Variants in ARHGEF33 observed in about 807,000 individuals in gnomAD.
ARHGEF33 encodes the protein Rho guanine nucleotide exchange factor 33.
In ARHGEF33, 72 loss-of-function variants were observed where a neutral mutation model predicts 101.9. That is an observed-to-expected ratio of 0.71 (90% CI 0.58 to 0.86). ARHGEF33 has a LOEUF of 0.86. Ranked by LOEUF, ARHGEF33 falls within the 40% of genes least tolerant of loss-of-function variation. ARHGEF33 has a pLI of 0.00. For synonymous variants in ARHGEF33, 499 were observed against 442.5 expected, an observed-to-expected ratio of 1.13 and a Z score of -1.60; for missense variants, 1,169 against 1,111.3, an observed-to-expected ratio of 1.05 and a Z score of -0.74.
chr2:38,921,145 G>A (rs1666747562), intron 3 of ARHGEF33, among the ~76,000 whole-genome samples: 1 of 152,138 alleles, frequency 6.6e-6, no homozygotes, highest in Non-Finnish European at 1.5e-5. Flanking sequence ...AGTAGAACGT[G>A]GTTTTCTATT....
intron 9 of ARHGEF33, among the ~76,000 whole-genome samples, chr2:38,939,443 A>G (rs983703797): frequency 1.3e-5 from 2 of 152,220 alleles, no homozygotes; most frequent in Admixed American, 6.5e-5. Flanking sequence ...TATTCCCACT[A>G]GCAATGTTTG....
chr2:38,930,443 G>T (rs1265493164), intron 6 of ARHGEF33, among the ~76,000 whole-genome samples: 1 of 151,564 alleles, frequency 6.6e-6, no homozygotes, highest in Non-Finnish European at 1.5e-5. Flanking sequence ...GAACTCCTGG[G>T]CTCAAATGAT....
chr2:38,912,326 C>G lies in ARHGEF33; in HGVS notation c.-85-7037C>G, dbSNP rs190604848. Among the ~76,000 whole-genome samples the G allele has an allele frequency of 2.4e-4, 37 of 152,322 alleles. 1 individual carries two copies. Among genetic ancestry groups the G allele is most frequent in the African/African-American group, 8.9e-4 (37 of 41,570 alleles). Reference sequence around the variant, plus strand: ...AAGGGCACAGTGAAGAATTACTAGGCTCAGAGTGAGAGATTCCCAGTACAA... The same window carrying G: ...AAGGGCACAGTGAAGAATTACTAGGGTCAGAGTGAGAGATTCCCAGTACAA... On this transcript the variant is annotated intron_variant, in intron 2 of 17. Transcript: ENST00000409978.
At chr2:38,925,992 C>G (rs1666860357) in intron 4 of ARHGEF33, among the ~76,000 whole-genome samples, 1 of 152,044 alleles carries the variant, frequency 6.6e-6, no homozygotes, top group Non-Finnish European at 1.5e-5. Context: ...TAAAATTCAT[C>G]TTAAGAAGAG....
chr2:38,906,407 C>G (rs1666392029), intron 2 of ARHGEF33, among the ~76,000 whole-genome samples: 2 of 151,992 alleles, frequency 1.3e-5, no homozygotes. Flanking sequence ...TTAGCAAAAC[C>G]AGCCCCAGCA....
chr2:38,967,236 C>T (rs996414455), intron 17 of ARHGEF33, among the ~76,000 whole-genome samples: 3 of 152,192 alleles, frequency 2.0e-5, no homozygotes, highest in Non-Finnish European at 2.9e-5. Context: ...TGTAATTATC[C>T]TCCTGTGGGG....
chr2:38,966,274 A>G, intron 17 of ARHGEF33, 129 bp downstream of exon 17: 1 of 1,205,010 alleles, frequency 8.3e-7, no homozygotes, highest in Non-Finnish European at 1.1e-6. Flanking sequence ...GCCTGCACCC[A>G]GTAGCCACAG....
chr2:38,901,880 C>G (rs542311483), intron 2 of ARHGEF33, among the ~76,000 whole-genome samples: 1 of 152,300 alleles, frequency 6.6e-6, no homozygotes, highest in African/African-American at 2.4e-5. Context: ...CTTTGGGAGG[C>G]TGAGACGGGT....
chr2:38,971,903 T>TC (rs769391289), intron 17 of ARHGEF33: 1 of 718,628 alleles, frequency 1.4e-6, no homozygotes, highest in South Asian at 1.5e-5. Flanking sequence ...ATTTCTGTGG[T>TC]CCTTGGGGCT....
At chr2:38,894,379 G>A (rs1666074688) in intron 1 of ARHGEF33, among the ~76,000 whole-genome samples, 1 of 151,014 alleles carries the variant, frequency 6.6e-6, no homozygotes, top group Admixed American at 6.6e-5. Context: ...TTCCTAGAAC[G>A]CCAGCATATC....
intron 17 of ARHGEF33, chr2:38,969,720 A>G (rs997914673): frequency 1.3e-5 from 2 of 152,604 alleles, no homozygotes; most frequent in African/African-American, 2.4e-5. Context: ...TAAAGGCTAC[A>G]TATCTTAAAG....
chr2:38,957,934 CTT>C (rs772344510), intron 14 of ARHGEF33, 98 bp from the exon 15 acceptor site: 20 of 1,413,770 alleles, frequency 1.4e-5, no homozygotes, highest in Non-Finnish European at 1.9e-5. Flanking sequence ...TCACAGCAAA[CTT>C]TATCTGAGAC....
chr2:38,934,152 A>G (rs562546647), intron 7 of ARHGEF33, among the ~76,000 whole-genome samples: 2 of 152,086 alleles, frequency 1.3e-5, no homozygotes, highest in Admixed American at 6.5e-5. Flanking sequence ...TTTCATCCTT[A>G]CCACTCCTGA....
chr2:38,953,391 A>G (rs1667661071), intron 12 of ARHGEF33, 146 bp downstream of exon 12: 5 of 605,988 alleles, frequency 8.3e-6, no homozygotes, highest in Admixed American at 5.2e-5. Flanking sequence ...ACTACCTGGC[A>G]TTAAAGGAAC....
intron 4 of ARHGEF33, among the ~76,000 whole-genome samples, chr2:38,922,111 A>C (rs1342626370): frequency 1.3e-5 from 2 of 152,150 alleles, no homozygotes; most frequent in Non-Finnish European, 2.9e-5. Context: ...CCAACTGTAA[A>C]TTTAAAGCAC....
At chr2:38,957,568 G>T (rs1358959876) in intron 14 of ARHGEF33, among the ~76,000 whole-genome samples, 1 of 152,180 alleles carries the variant, frequency 6.6e-6, no homozygotes, top group Non-Finnish European at 1.5e-5. Context: ...GCAAATAAGG[G>T]AGAGGAATTT....
chr2:38,894,058 CTT>C (rs1490718289), intron 1 of ARHGEF33, among the ~76,000 whole-genome samples: 3 of 152,174 alleles, frequency 2.0e-5, no homozygotes, highest in Non-Finnish European at 4.4e-5. Context: ...CTGGCTCACT[CTT>C]TTGATCCCAA....
Position 38,897,856 on chromosome 2 carries a change from A to T in ARHGEF33, c.-86+2007A>T, listed in dbSNP as rs146214187. Among the ~76,000 whole-genome samples, 546 of 152,284 alleles carry T rather than the reference A, an allele frequency of 3.6e-3. 1 individual carries two copies. Among genetic ancestry groups the T allele is most frequent in the Non-Finnish European group, 6.1e-3 (416 of 68,026 alleles). ...TTTGACAGCTAGCCTGGTGCAGGGG[A>T]AGGATGTCCACAGAGGGAACAGCCC... On this transcript the variant is annotated intron_variant, in intron 2 of 17. Coordinates refer to ENST00000409978, the MANE Select transcript of ARHGEF33 (RefSeq NM_001145451.5).
chr2:38,964,481 C>T (rs1296886446), intron 16 of ARHGEF33, among the ~76,000 whole-genome samples: 1 of 151,582 alleles, frequency 6.6e-6, no homozygotes, highest in East Asian at 1.9e-4. Flanking sequence ...TATTTGCAGC[C>T]ACTCCCCAGC....
Sources: allele counts gnomAD v4.1 joint callset (sites outside exome capture counted in the v4.1 genomes callset), GRCh38; gene constraint gnomAD v4.1.1; transcripts MANE v1.5; gene names NCBI Gene and HGNC (gene_info 2026-07-23, HGNC 2026-07-21).